DSCAML1: variants seen among roughly 807,000 people sequenced by gnomAD.
The protein encoded by DSCAML1 is DS cell adhesion molecule like 1.
Under a neutral mutation model 200.5 loss-of-function variants are expected in DSCAML1, and 38 were observed. The ratio of observed to expected loss-of-function variants is 0.19; its 90% CI spans 0.15 to 0.25. DSCAML1 has a LOEUF of 0.25. Among genes scored for constraint, DSCAML1 ranks in the 10% least tolerant of loss-of-function variants. The pLI is 1.00. For missense variants in DSCAML1, 2,223 were observed against 2,858.8 expected (o/e 0.78, Z 5.07); for synonymous variants, 1,215 against 1,165.0 (o/e 1.04, Z -0.87).
chr11:117,505,130 G>C lies in DSCAML1; in HGVS notation c.2063-87C>G, dbSNP rs1045625356. 70 of 1,527,328 alleles carry C rather than the reference G, an allele frequency of 4.6e-5. No homozygotes were observed. The South Asian group carries it at 8.5e-4, about 18-fold the overall frequency. 94.6% of individuals were successfully genotyped at this position (1,527,328 alleles called of 1,614,324 possible). On this transcript the variant is annotated intron_variant, in intron 9 of 32. Coordinates refer to ENST00000651296, the MANE Select transcript of DSCAML1 (RefSeq NM_020693.4). The surrounding 1 kb of genome is among the most constrained non-coding windows in gnomAD (Gnocchi z 6.7). ...TTCGAGCACCTTCTGTTTGAGGTCA[G>C]CCCTGCCCGGGCCATTATAAAGTTG...
chr11:117,625,086 C>A (rs1026160454), intron 3 of DSCAML1, among the ~76,000 whole-genome samples: 2 of 152,022 alleles, frequency 1.3e-5, no homozygotes, highest in Non-Finnish European at 2.9e-5. Context: ...GTCTGGGAAT[C>A]ACTGGTCTGG....
chr11:117,672,228 G>C (rs937380592), intron 3 of DSCAML1, among the ~76,000 whole-genome samples: 1 of 152,062 alleles, frequency 6.6e-6, no homozygotes, highest in African/African-American at 2.4e-5. Context: ...GGTTACTGTG[G>C]AAGCAAGGAT....
chr11:117,429,683 ATTTC>A (rs2047744472), intron 32 of DSCAML1, among the ~76,000 whole-genome samples: 1 of 151,972 alleles, frequency 6.6e-6, no homozygotes, highest in Admixed American at 6.5e-5. Flanking sequence ...CTAGTTCCTT[ATTTC>A]TTAAACTGCC....
In DSCAML1 at chr11:117,464,811, G is replaced by A. The variant is rs562668394; in HGVS notation, c.3265+131C>T. On this transcript the variant is annotated intron_variant, in intron 17 of 32. Coordinates refer to ENST00000651296, the MANE Select transcript of DSCAML1 (RefSeq NM_020693.4). ...ACAAGAGGAGATGGCGGGGATGCAGGGAGCCTGCGTGGACCACAGGACCAA... is the reference window on the plus strand; with the variant it reads ...ACAAGAGGAGATGGCGGGGATGCAGAGAGCCTGCGTGGACCACAGGACCAA... 35 of 1,386,322 alleles carry A rather than the reference G, an allele frequency of 2.5e-5. No individual in the cohort carries two copies. The African/African-American group carries it at 3.9e-4, about 15-fold the overall frequency. 85.9% of individuals were successfully genotyped at this position (1,386,322 alleles called of 1,614,324 possible).
intron 3 of DSCAML1, among the ~76,000 whole-genome samples, chr11:117,585,807 G>A (rs925374173): frequency 2.6e-5 from 4 of 152,184 alleles, no homozygotes; most frequent in African/African-American, 9.6e-5. Context: ...ACTCCTGGAG[G>A]CGCCGCTGAA....
intron 18 of DSCAML1, 108 bp downstream of exon 18, chr11:117,461,342 C>G (rs2048479414): frequency 6.6e-7 from 1 of 1,517,968 alleles, no homozygotes; most frequent in African/African-American, 1.4e-5. Context: ...GCTGCACTTC[C>G]TCTTGCCAAG....
intron 3 of DSCAML1, among the ~76,000 whole-genome samples, chr11:117,736,431 T>C (rs1297781467): frequency 6.6e-6 from 1 of 152,084 alleles, no homozygotes; most frequent in Non-Finnish European, 1.5e-5. Context: ...TACAACCAAA[T>C]CTCAGAAATG....
At chr11:117,430,604 A>T in intron 32 of DSCAML1, 118 bp downstream of exon 32, 1 of 1,256,694 alleles carries the variant, frequency 8.0e-7, no homozygotes, top group Non-Finnish European at 1.1e-6. Context: ...TGCACTGCCA[A>T]GGAGCCAAGC....
intron 3 of DSCAML1, among the ~76,000 whole-genome samples, chr11:117,727,540 T>C (rs1444165224): frequency 3.3e-5 from 5 of 152,186 alleles, no homozygotes; most frequent in Admixed American, 2.6e-4. Flanking sequence ...GCACAAATTC[T>C]GAGGTCAAAG....
chr11:117,650,700 T>TGTGTGTGTGCGC (rs147584706), intron 3 of DSCAML1, among the ~76,000 whole-genome samples: 2,187 of 147,392 alleles, frequency 0.015, 16 homozygotes, highest in Non-Finnish European at 0.02. Flanking sequence ...TGTGTGTGTG[T>TGTGTGTGTGCGC]GCGTGTGTGT....
intron 4 of DSCAML1, among the ~76,000 whole-genome samples, chr11:117,531,679 T>C (rs1254483505): frequency 6.6e-6 from 1 of 151,018 alleles, no homozygotes. Flanking sequence ...AGGTCAGGAG[T>C]TCAAGACCGG....
In DSCAML1 at chr11:117,780,495, G is replaced by A. The variant is rs2134053976; in HGVS notation, c.362C>T (p.Ala121Val). ...KIRSPNIRVK[A>V]VFREPYTVRV... ...GCAGCCAGTGTCTTGTCCCTTACCTGCTTTGACGCGGATGTTGGGGCTCCG... is the reference window on the plus strand; with the variant it reads ...GCAGCCAGTGTCTTGTCCCTTACCTACTTTGACGCGGATGTTGGGGCTCCG... Residue 121 changes from alanine (A) to valine (V), a missense_variant and splice_region_variant, in exon 2 of 33, where the codon GCA becomes GTA. Physicochemically the swap from Ala to Val is moderately conservative, Grantham distance 64 (BLOSUM62 0). Transcript: ENST00000651296. The surrounding 1 kb of genome is among the most constrained non-coding windows in gnomAD (Gnocchi z 4.8). 2 of 1,450,348 alleles carry A rather than the reference G, an allele frequency of 1.4e-6. No individual in the cohort carries two copies. The highest frequency in any genetic ancestry group is 9.1e-7 in the Non-Finnish European group (1 of 1,096,346). The allele number at this position is 1,450,348 out of a possible 1,614,324, so 89.8% of individuals were successfully genotyped here.
Position 117,661,546 on chromosome 11 carries a change from G to A in DSCAML1, c.511+115245C>T, listed in dbSNP as rs1421587620. 2.0e-5 allele frequency among the ~76,000 whole-genome samples: 3 copies of A among 152,134 alleles called. No homozygotes were observed. In the East Asian group the frequency reaches 5.8e-4, roughly 29 times the overall value. Reference sequence around the variant, plus strand: ...GGAAGGATACAATTATTATAATGAAGCCTCCCCAGCCCCAGATTCTCTCCC... The same window carrying A: ...GGAAGGATACAATTATTATAATGAAACCTCCCCAGCCCCAGATTCTCTCCC... On this transcript the variant is annotated intron_variant, in intron 3 of 32. Transcript: ENST00000651296.
intron 3 of DSCAML1, among the ~76,000 whole-genome samples, chr11:117,737,369 G>C (rs1176139996): frequency 1.3e-5 from 2 of 152,220 alleles, no homozygotes; most frequent in Non-Finnish European, 2.9e-5. Context: ...GTGGACTTCA[G>C]GCAGGCAGTC....
rs1441184696 is a variant in DSCAML1 at position 117,697,915 on chromosome 11, G to A, written c.511+78876C>T. 2.0e-5 allele frequency among the ~76,000 whole-genome samples: 3 copies of A among 151,912 alleles called. No homozygotes were observed. The East Asian group carries it at 5.8e-4, about 29-fold the overall frequency. ...GCCTCCTGAGTAGCTGGGACTACAGGTGCACGCCACCACACCCAGGTAATT... is the reference window on the plus strand; with the variant it reads ...GCCTCCTGAGTAGCTGGGACTACAGATGCACGCCACCACACCCAGGTAATT... On this transcript the variant is annotated intron_variant, in intron 3 of 32. Transcript: ENST00000651296.
At chr11:117,675,499 T>TA (rs2053195186) in intron 3 of DSCAML1, among the ~76,000 whole-genome samples, 1 of 123,032 alleles carries the variant, frequency 8.1e-6, no homozygotes, top group Non-Finnish European at 1.6e-5. Flanking sequence ...TTTTTTTTTT[T>TA]AGAGACAGGG....
chr11:117,646,797 G>A (rs1470848341), intron 3 of DSCAML1, among the ~76,000 whole-genome samples: 4 of 151,870 alleles, frequency 2.6e-5, no homozygotes, highest in East Asian at 1.9e-4. Context: ...AGCAGGCCAC[G>A]GGTATTAACG....
chr11:117,440,920 CAAAAAAAAAAAA>C (rs1170541792), intron 21 of DSCAML1, among the ~76,000 whole-genome samples: 23 of 41,112 alleles, frequency 5.6e-4, no homozygotes, highest in African/African-American at 1.8e-3. Context: ...GACTCTGTCT[CAAAAAAAAAAAA>C]AAAAAAAAAA....
intron 3 of DSCAML1, among the ~76,000 whole-genome samples, chr11:117,706,690 C>T (rs772980638): frequency 1.3e-5 from 2 of 152,180 alleles, no homozygotes; most frequent in Non-Finnish European, 2.9e-5. Flanking sequence ...GCGTCTAGCC[C>T]TTCTTCTGCC....
Sources: gnomAD v4.1 joint callset for allele counts (sites outside exome capture counted in the v4.1 genomes callset) on GRCh38, gnomAD v4.1.1 for gene constraint, Gnocchi (gnomAD v3.1) non-coding constraint, MANE v1.5 for transcripts, NCBI Gene and HGNC (gene_info 2026-07-23, HGNC 2026-07-21) for gene names.